GUK1: variants seen among roughly 807,000 people sequenced by gnomAD.
GUK1 encodes guanylate kinase 1, also known as guanylate kinase.
Under a neutral mutation model 25.2 loss-of-function variants are expected in GUK1, and 18 were observed. The observed-to-expected ratio is 0.71, with a 90% CI of 0.49 to 1.06. The LOEUF (loss-of-function observed/expected upper bound fraction) is 1.06. Among genes scored for constraint, GUK1 ranks in the 50% least tolerant of loss-of-function variants. The pLI is 0.00. For missense variants in GUK1, 261 were observed against 276.7 expected (o/e 0.94, Z 0.40); for synonymous variants, 105 against 117.6 (o/e 0.89, Z 0.69).
At chr1:228,147,950 C>T in intron 7 of GUK1, 1 of 583,154 alleles carries the variant, frequency 1.7e-6, no homozygotes, top group Non-Finnish European at 3.0e-6. Context: ...CGTGAGGGCC[C>T]CCAGACCCCC....
At position 228,148,471 on chromosome 1, in the gene GUK1, G is replaced by A; in HGVS notation, c.561+15G>A. On this transcript the variant is annotated intron_variant, in intron 8 of 8. Coordinates refer to ENST00000312726, the MANE Select transcript of GUK1 (RefSeq NM_000858.7). ...CGCTCTCTGAGGTGGGCCCATCCTTGTGCCTACCTGGGCAAGGCCCAAGGG... is the reference window on the plus strand; with the variant it reads ...CGCTCTCTGAGGTGGGCCCATCCTTATGCCTACCTGGGCAAGGCCCAAGGG... 2 of 1,558,662 alleles carry A rather than the reference G, an allele frequency of 1.3e-6. No individual in the cohort carries two copies. The highest frequency in any genetic ancestry group is 1.7e-6 in the Non-Finnish European group (2 of 1,150,056).
At chr1:228,146,643 A>G (rs1264661427) in intron 4 of GUK1, 199 bp from the exon 4 acceptor site, 7 of 597,562 alleles carry the variant, frequency 1.2e-5, no homozygotes, top group Non-Finnish European at 2.1e-5. Flanking sequence ...CAGTGAGGAC[A>G]GTGTGAGAAA....
At position 228,146,938 on chromosome 1, in the gene GUK1, G is replaced by T. The variant is rs2034411854; in HGVS notation, c.251G>T (p.Ser84Ile). 1.2e-6 allele frequency: 2 copies of T among 1,604,476 alleles called. No individual in the cohort carries two copies. The highest frequency in any genetic ancestry group is 1.7e-6 in the Non-Finnish European group (2 of 1,171,454). ...TTCTCGGGGAACCTGTATGGCACGA[G>T]GTGGGCCATGCGTGGGTGTGGGTGG... The change falls in exon 5 of 9, where the codon AGC (serine) becomes ATC (isoleucine). Residue 84 changes from serine to isoleucine, a missense_variant and splice_region_variant. By Grantham distance (142) the Ser-to-Ile change is moderately radical. Coordinates refer to ENST00000312726, the MANE Select transcript of GUK1 (RefSeq NM_000858.7).
intron 2 of GUK1, chr1:228,141,840 T>C (rs2034074478): frequency 2.6e-6 from 3 of 1,158,824 alleles, no homozygotes; most frequent in Non-Finnish European, 3.3e-6. Context: ...GTCCTTACAG[T>C]TGTGGGTTGT....
chr1:228,142,177 G>A (rs926627253), intron 2 of GUK1, among the ~76,000 whole-genome samples: 15 of 152,232 alleles, frequency 9.9e-5, no homozygotes, highest in African/African-American at 3.4e-4. Flanking sequence ...TGCAAGGCCC[G>A]CATCCACTCA....
At chr1:228,142,693 G>C (rs1286239156) in intron 2 of GUK1, among the ~76,000 whole-genome samples, 1 of 152,118 alleles carries the variant, frequency 6.6e-6, no homozygotes, top group African/African-American at 2.4e-5. Context: ...TGCGAGGAAA[G>C]GGGGAGATCC....
chr1:228,145,199 A>T, intron 2 of GUK1: 1 of 201,662 alleles, frequency 5.0e-6, no homozygotes, highest in Non-Finnish European at 1.0e-5. Context: ...CTTGCTAGGG[A>T]CCCCTGGGGA....
At chr1:228,145,291 G>T in intron 2 of GUK1, 1 of 409,154 alleles carries the variant, frequency 2.4e-6, no homozygotes, top group Non-Finnish European at 4.4e-6. Flanking sequence ...CGTCTCCCGT[G>T]TGCCCAGAGC....
At chr1:228,140,135 G>A (rs2033960415), upstream of GUK1, 1 of 604,612 alleles carries the variant, frequency 1.7e-6, no homozygotes, top group Middle Eastern at 3.2e-4. Flanking sequence ...AGCGCAGGTG[G>A]AGGCGGGGCT....
intron 5 of GUK1, 35 bp from the exon 5 acceptor site, chr1:228,147,371 C>A: frequency 6.3e-7 from 1 of 1,596,158 alleles, no homozygotes; most frequent in Non-Finnish European, 8.5e-7. Context: ...CTCAGAGAGC[C>A]CTGGCACCCC....
At chr1:228,140,610 G>A (rs936089025) in intron 1 of GUK1, among the ~76,000 whole-genome samples, 1 of 152,258 alleles carries the variant, frequency 6.6e-6, no homozygotes, top group Admixed American at 6.5e-5. Context: ...AGTTATCGCA[G>A]TGTCGAGCTG....
intron 2 of GUK1, chr1:228,145,022 C>T (rs2034288908): frequency 6.5e-6 from 1 of 153,512 alleles, no homozygotes; most frequent in South Asian, 2.0e-4. Context: ...GGGACACTTC[C>T]ATTCCAGACC....
chr1:228,140,674 C>A (rs756263660), intron 1 of GUK1, among the ~76,000 whole-genome samples: 28 of 152,242 alleles, frequency 1.8e-4, no homozygotes, highest in Admixed American at 4.6e-4. Context: ...GGCGCGCCGC[C>A]AAAGAGAGCA....
rs754603800 is a variant in GUK1, at chr1:228,148,656, C to T, written c.562-9C>T. 13 of 1,585,584 alleles carry T rather than the reference C, an allele frequency of 8.2e-6. No homozygotes were observed. The South Asian group carries it at 1.2e-4, about 15-fold the overall frequency. On this transcript the variant is annotated splice_polypyrimidine_tract_variant and intron_variant, in intron 8 of 8. Coordinates refer to ENST00000312726, the MANE Select transcript of GUK1 (RefSeq NM_000858.7). ...AGCCCTCCCAACTCCCTTTCTTCCT[C>T]ACTGGCAGGAAATCAAGAAAGCTCA...
intron 2 of GUK1, among the ~76,000 whole-genome samples, chr1:228,143,273 G>A (rs1160479505): frequency 6.6e-6 from 1 of 152,204 alleles, no homozygotes; most frequent in Non-Finnish European, 1.5e-5. Flanking sequence ...GGGTTGGCAG[G>A]GCAGAGTGAC....
chr1:228,140,153 C>G (rs979357577), upstream of GUK1: 4 of 656,614 alleles, frequency 6.1e-6, no homozygotes, highest in Admixed American at 1.2e-4. Flanking sequence ...GCTAGCGAGG[C>G]ACTGAGGTAA....
At position 228,148,802 on chromosome 1, in the gene GUK1, C is replaced by CA; in HGVS notation, c.*106dup. ...ACGGCAGCTCTGTGCCCTTGGCCAG[C>CA]ATGTGGAGTGGAGGAGATGCTGCCC... On this transcript the variant is annotated 3_prime_UTR_variant, in exon 9 of 9. Coordinates refer to ENST00000312726, the MANE Select transcript of GUK1 (RefSeq NM_000858.7). 6.3e-7 allele frequency: 1 copy of CA among 1,591,138 alleles called. No homozygotes were observed. The highest frequency in any genetic ancestry group is 1.3e-5 in the African/African-American group (1 of 74,304).
intron 1 of GUK1, among the ~76,000 whole-genome samples, chr1:228,140,946 G>A (rs2034009372): frequency 6.6e-6 from 1 of 152,228 alleles, no homozygotes; most frequent in South Asian, 2.1e-4. Context: ...ATTCTTGAGC[G>A]TCGCCTTAGA....
intron 2 of GUK1, chr1:228,141,905 G>A (rs2034078601): frequency 3.7e-6 from 2 of 545,572 alleles, no homozygotes; most frequent in Non-Finnish European, 5.2e-6. Flanking sequence ...TGGTGAGAGT[G>A]GAGAGCACAG....
Sources: gnomAD v4.1 joint callset for allele counts (sites outside exome capture counted in the v4.1 genomes callset) on GRCh38, gnomAD v4.1.1 for gene constraint, MANE v1.5 for transcripts, NCBI Gene and HGNC (gene_info 2026-07-23, HGNC 2026-07-21) for gene names.